Variants in SERTM1 observed in about 807,000 individuals in gnomAD.
The protein encoded by SERTM1 is serine-rich and transmembrane domain-containing protein 1.
In SERTM1, 1 loss-of-function variant was observed where a neutral mutation model predicts 5.5. That is an observed-to-expected ratio of 0.18 (90% CI 0.06 to 0.86). The LOEUF (loss-of-function observed/expected upper bound fraction) is 0.86, where lower values mean the gene tolerates loss of function less well. Among genes scored for constraint, SERTM1 ranks in the 40% least tolerant of loss-of-function variants. The pLI is 0.69. For missense variants in SERTM1, 91 were observed against 122.4 expected, an observed-to-expected ratio of 0.74 and a Z score of 1.21; for synonymous variants, 52 against 55.1, an observed-to-expected ratio of 0.94 and a Z score of 0.25.
intron 1 of SERTM1, among the ~76,000 whole-genome samples, chr13:36,681,557 A>G (rs898136871): frequency 1.3e-5 from 2 of 152,212 alleles, no homozygotes; most frequent in African/African-American, 4.8e-5. Context: ...ATGGTATGTG[A>G]TATTCCTGAA....
At chr13:36,683,152 G>T (rs1219517859) in intron 1 of SERTM1, among the ~76,000 whole-genome samples, 1 of 151,900 alleles carries the variant, frequency 6.6e-6, no homozygotes, top group African/African-American at 2.4e-5. Flanking sequence ...GAAACCATTT[G>T]GCCTGTTTAA....
chr13:36,680,450 T>A (rs1011090454), intron 1 of SERTM1, among the ~76,000 whole-genome samples: 4 of 152,166 alleles, frequency 2.6e-5, no homozygotes, highest in African/African-American at 9.7e-5. Flanking sequence ...GCCTTCCTCT[T>A]GTTAGCCACT....
chr13:36,690,042 G>A (rs1159918613), intron 1 of SERTM1, among the ~76,000 whole-genome samples: 1 of 152,010 alleles, frequency 6.6e-6, no homozygotes, highest in Non-Finnish European at 1.5e-5. Context: ...AAGTACTATG[G>A]AAAAACTCTG....
chr13:36,695,493 C>T lies in SERTM1; in HGVS notation c.*91C>T, dbSNP rs537520384. The T allele has an allele frequency of 1.1e-6, 1 of 922,656 alleles. No individual in the cohort carries two copies. The highest frequency in any genetic ancestry group is 1.7e-6 in the Non-Finnish European group (1 of 593,770). The allele number at this position is 922,656 out of a possible 1,614,324, so 57.2% of individuals were successfully genotyped here. A position where few individuals can be genotyped will look rare whatever the true frequency, so the allele number is the denominator to read the frequency against. ...GGCATTGCCTCATGAAAGAAATGAT[C>T]CTTTTGGTGTAGACCTGCTTCTCCT... On this transcript the variant is annotated 3_prime_UTR_variant, in exon 2 of 2. Coordinates refer to ENST00000315190, the MANE Select transcript of SERTM1 (RefSeq NM_203451.3).
chr13:36,682,888 CTTCT>C (rs947315170), intron 1 of SERTM1, among the ~76,000 whole-genome samples: 4 of 151,808 alleles, frequency 2.6e-5, no homozygotes, highest in Admixed American at 6.6e-5. Context: ...TTTTCTTTTT[CTTCT>C]TTCTTTCTTT....
At position 36,681,118 on chromosome 13, in the gene SERTM1, G is replaced by A. The variant is rs918859368; in HGVS notation, c.-174+6934G>A. ...TCACATCACCATGGCTATGATCTGC[G>A]TCAAGTACTACTCGAAGCACAGTCC... On this transcript the variant is annotated intron_variant, in intron 1 of 1. Transcript: ENST00000315190. 3.9e-5 allele frequency among the ~76,000 whole-genome samples: 6 copies of A among 152,260 alleles called. No homozygotes were observed. The South Asian group carries it at 1.0e-3, about 26-fold the overall frequency.
intron 1 of SERTM1, among the ~76,000 whole-genome samples, chr13:36,676,869 C>G (rs1468300661): frequency 6.6e-6 from 1 of 152,168 alleles, no homozygotes; most frequent in African/African-American, 2.4e-5. Context: ...GGAAGAAGTT[C>G]AAGCTTTAAG....
At chr13:36,679,109 G>A (rs1213970120) in intron 1 of SERTM1, among the ~76,000 whole-genome samples, 3 of 152,056 alleles carry the variant, frequency 2.0e-5, no homozygotes, top group African/African-American at 7.2e-5. Context: ...TAATTTATGT[G>A]TTCAATTTGA....
At chr13:36,686,140 C>T (rs1757177242) in intron 1 of SERTM1, among the ~76,000 whole-genome samples, 1 of 152,156 alleles carries the variant, frequency 6.6e-6, no homozygotes, top group Non-Finnish European at 1.5e-5. Context: ...TAGTGAGTCA[C>T]CATTCTTGGT....
chr13:36,690,222 G>T (rs972751874), intron 1 of SERTM1, among the ~76,000 whole-genome samples: 2 of 152,196 alleles, frequency 1.3e-5, no homozygotes, highest in Non-Finnish European at 2.9e-5. Flanking sequence ...ATAGCAGATA[G>T]ATGCAGTTTA....
intron 1 of SERTM1, among the ~76,000 whole-genome samples, chr13:36,692,332 A>G (rs1450367585): frequency 6.6e-6 from 1 of 152,224 alleles, no homozygotes; most frequent in Non-Finnish European, 1.5e-5. Context: ...CTACTCTTAG[A>G]ATATTTACCC....
chr13:36,696,093 T>C lies in SERTM1; in HGVS notation c.*691T>C, dbSNP rs2056812072. ...TGCCTCCTGGAGTTTTATTTTGTTT[T>C]TCTGCTTATGTTTTAGTCATAATGC... On this transcript the variant is annotated 3_prime_UTR_variant, in exon 2 of 2. Transcript: ENST00000315190. The C allele has an allele frequency of 6.0e-6, 1 of 166,954 alleles. No individual in the cohort carries two copies. The highest frequency in any genetic ancestry group is 1.5e-5 in the Non-Finnish European group (1 of 68,124). The allele number at this position is 166,954 out of a possible 1,614,324, so 10.3% of individuals were successfully genotyped here. A position where few individuals can be genotyped will look rare whatever the true frequency, so the allele number is the denominator to read the frequency against.
At chr13:36,674,230 T>A (rs2056655736) in intron 1 of SERTM1, 46 bp downstream of exon 1, 1 of 152,012 alleles carries the variant, frequency 6.6e-6, no homozygotes, top group African/African-American at 2.4e-5. Flanking sequence ...GGGGTGAACT[T>A]GCCCTACGCG....
In SERTM1 at chr13:36,692,567, G is replaced by C. The variant is rs1315117771; in HGVS notation, c.-173-2339G>C. Reference sequence around the variant, plus strand: ...GAAAGTTCCTCTAGACTTTCTAGAAGGAACTTTCTATCTACTGGCACTTTA... The same window carrying C: ...GAAAGTTCCTCTAGACTTTCTAGAACGAACTTTCTATCTACTGGCACTTTA... On this transcript the variant is annotated intron_variant, in intron 1 of 1. Transcript: ENST00000315190. Among the ~76,000 whole-genome samples, 4 of 152,324 alleles carry C rather than the reference G, an allele frequency of 2.6e-5. No homozygotes were observed. The East Asian group carries it at 7.7e-4, about 29-fold the overall frequency.
chr13:36,685,811 G>T (rs971069095), intron 1 of SERTM1, among the ~76,000 whole-genome samples: 6 of 152,158 alleles, frequency 3.9e-5, no homozygotes, highest in Non-Finnish European at 8.8e-5. Context: ...TCACTTAGCT[G>T]CCCAAGTGAA....
At chr13:36,680,810 T>C (rs1324323381) in intron 1 of SERTM1, among the ~76,000 whole-genome samples, 1 of 152,212 alleles carries the variant, frequency 6.6e-6, no homozygotes, top group Non-Finnish European at 1.5e-5. Context: ...TGGAGTGCAG[T>C]GGTGCGATCT....
chr13:36,692,203 A>C (rs1384135514), intron 1 of SERTM1, among the ~76,000 whole-genome samples: 1 of 152,238 alleles, frequency 6.6e-6, no homozygotes, highest in African/African-American at 2.4e-5. Flanking sequence ...GGCCACTTAA[A>C]AGATCAGATG....
chr13:36,693,101 A>G (rs1304188451), intron 1 of SERTM1, among the ~76,000 whole-genome samples: 1 of 152,220 alleles, frequency 6.6e-6, no homozygotes, highest in Non-Finnish European at 1.5e-5. Context: ...GGAGAAGCCA[A>G]AAGCCCTTGC....
intron 1 of SERTM1, among the ~76,000 whole-genome samples, chr13:36,680,668 A>T (rs909738744): frequency 6.6e-6 from 1 of 152,140 alleles, no homozygotes; most frequent in African/African-American, 2.4e-5. Context: ...TGATTCTATG[A>T]AAATTTTTTT....
Sources: allele counts gnomAD v4.1 joint callset (sites outside exome capture counted in the v4.1 genomes callset), GRCh38; gene constraint gnomAD v4.1.1; transcripts MANE v1.5; gene names NCBI Gene and HGNC (gene_info 2026-07-23, HGNC 2026-07-21).